The following BMX variants were observed in gnomAD, a reference collection of about 807,000 sequenced individuals.
The protein encoded by BMX is BMX non-receptor tyrosine kinase.
A neutral mutation model predicts 59.2 loss-of-function variants in BMX; 31 were observed. The ratio of observed to expected loss-of-function variants is 0.52; its 90% CI spans 0.39 to 0.71. The LOEUF is 0.71. BMX is among the 30% of genes least tolerant of loss of function. The probability of loss-of-function intolerance (pLI) is 0.00; values close to 1 mark genes in which losing one functional copy is unlikely to be tolerated. For synonymous variants in BMX, 185 were observed against 181.0 expected (o/e 1.02, Z -0.18); for missense variants, 474 against 491.7 (o/e 0.96, Z 0.34).
At chrX:15,544,624 G>T (rs1233054326) in intron 16 of BMX, among the ~76,000 whole-genome samples, 1 of 111,458 alleles carries the variant, frequency 9.0e-6, no homozygotes, top group Admixed American at 9.5e-5. Flanking sequence ...AAGAGATCCT[G>T]GAAGCCATGT....
At position 15,500,810 on chromosome X, in the gene BMX, C is replaced by T. The variant is rs1456511008; in HGVS notation, c.-140C>T. The stretch of plus-strand genomic sequence containing the variant: ...TGTTGGGGGCACTGAGTAATGTAGC[C>T]ATTTCTGACCCGGCAGCCAGGAAAA... On this transcript the variant is annotated 5_prime_UTR_variant, in exon 1 of 19. Coordinates refer to ENST00000348343, the MANE Select transcript of BMX (RefSeq NM_203281.3). 1 of 752,299 alleles carries T rather than the reference C, an allele frequency of 1.3e-6. No individual in the cohort carries two copies. The highest frequency in any genetic ancestry group is 8.8e-5 in the Admixed American group (1 of 11,302). 62.0% of individuals were successfully genotyped at this position (752,299 alleles called of 1,213,427 possible).
intron 11 of BMX, 34 bp downstream of exon 11, chrX:15,531,441 T>C (rs769934062): frequency 7.5e-6 from 8 of 1,067,121 alleles, no homozygotes; most frequent in African/African-American, 3.7e-5. Context: ...CTTTTCTCTT[T>C]CTGCGTATAT....
At chrX:15,537,036 C>A in intron 13 of BMX, 98 bp from the exon 14 acceptor site, 1 of 872,369 alleles carries the variant, frequency 1.1e-6, no homozygotes, top group Non-Finnish European at 1.6e-6. Flanking sequence ...TTTATATTGT[C>A]ACTGTGAAAC....
At chrX:15,534,422 T>G (rs1925236600) in intron 12 of BMX, 83 bp downstream of exon 12, 1 of 893,777 alleles carries the variant, frequency 1.1e-6, no homozygotes, top group Non-Finnish European at 1.4e-6. Flanking sequence ...CCTAATATTC[T>G]TAATTATATA....
intron 1 of BMX, among the ~76,000 whole-genome samples, chrX:15,503,941 T>A (rs780447950): frequency 2.1e-4 from 23 of 111,071 alleles, no homozygotes; most frequent in Non-Finnish European, 3.8e-4. Context: ...AGGGTGGGGG[T>A]GTTCTGGCCT....
intron 11 of BMX, among the ~76,000 whole-genome samples, chrX:15,531,742 A>G (rs749216766): frequency 3.4e-4 from 38 of 111,454 alleles, no homozygotes; most frequent in Non-Finnish European, 6.8e-4. Flanking sequence ...TAAGCCTGGA[A>G]AGAAAAAAAA....
intron 6 of BMX, among the ~76,000 whole-genome samples, chrX:15,520,020 G>T (rs1181251901): frequency 8.9e-6 from 1 of 111,834 alleles, no homozygotes; most frequent in African/African-American, 3.3e-5. Flanking sequence ...CCAAACCATA[G>T]CAACTTGGAA....
rs35353387 is a variant in BMX at position 15,526,062 on chromosome X, C to T, written c.851C>T (p.Ser284Leu). 3,268 of 1,207,336 alleles carry T rather than the reference C, an allele frequency of 2.7e-3. 7 individuals carry two copies. Among genetic ancestry groups the T allele is most frequent in the Non-Finnish European group, 3.3e-3 (2,984 of 893,546 alleles). Residue 284 changes from serine (S) to leucine (L), a missense_variant, in exon 9 of 19, where the codon TCA (serine) becomes TTA (leucine). Ser to Leu is a moderately radical substitution (Grantham distance 145, BLOSUM62 -2). Transcript: ENST00000348343. ...KISWEFPESS[S>L]SEEEENLDDY... ...TTAAGGGAATTCCCTGAGTCAAGTTCATCTGAAGAAGAGGAAAACCTGGAT... is the reference window on the plus strand; with the variant it reads ...TTAAGGGAATTCCCTGAGTCAAGTTTATCTGAAGAAGAGGAAAACCTGGAT...
At chrX:15,532,217 T>C (rs1386153618) in intron 11 of BMX, among the ~76,000 whole-genome samples, 1 of 111,190 alleles carries the variant, frequency 9.0e-6, no homozygotes, top group Non-Finnish European at 1.9e-5. Context: ...CCCTGTACCC[T>C]AACACTTGGG....
At chrX:15,520,955 G>T (rs1423560214) in intron 6 of BMX, among the ~76,000 whole-genome samples, 1 of 110,978 alleles carries the variant, frequency 9.0e-6, no homozygotes, top group Admixed American at 9.6e-5. Flanking sequence ...CCAAGTAAAT[G>T]AAATTTCTGA....
At chrX:15,522,253 C>T (rs1924493868) in intron 6 of BMX, 93 bp from the exon 7 acceptor site, 1 of 1,017,872 alleles carries the variant, frequency 9.8e-7, no homozygotes, top group Admixed American at 2.9e-5. Context: ...CTTCCTTTCT[C>T]TCTCTTTCAA....
At chrX:15,530,224 T>A in intron 10 of BMX, among the ~76,000 whole-genome samples, 197 bp downstream of exon 10, 1 of 112,220 alleles carries the variant, frequency 8.9e-6, no homozygotes, top group Non-Finnish European at 1.9e-5. Flanking sequence ...TGCTGCATAA[T>A]AAACCACTCC....
intron 6 of BMX, 129 bp from the exon 7 acceptor site, chrX:15,522,217 C>G: frequency 6.2e-6 from 5 of 803,549 alleles, no homozygotes; most frequent in Admixed American, 3.1e-5. Context: ...CTCCCTTCCT[C>G]CCTCCCTTCC....
At chrX:15,536,573 TA>T (rs1298697050) in intron 13 of BMX, 146 bp downstream of exon 13, 38,238 of 279,117 alleles carry the variant, frequency 0.14, 1 homozygote, top group East Asian at 0.21. Flanking sequence ...GGATTTTCTT[TA>T]AAAAAAAAAA....
At chrX:15,508,852 G>A (rs1009209158) in intron 2 of BMX, among the ~76,000 whole-genome samples, 4 of 111,692 alleles carry the variant, frequency 3.6e-5, no homozygotes, top group Non-Finnish European at 7.5e-5. Context: ...GGCCAAGAAT[G>A]CAGCTAACCA....
At position 15,500,895 on chromosome X, in the gene BMX, C is replaced by T. The variant is rs992869555; in HGVS notation, c.-55C>T. On this transcript the variant is annotated 5_prime_UTR_variant, in exon 1 of 19. Coordinates refer to ENST00000348343, the MANE Select transcript of BMX (RefSeq NM_203281.3). The stretch of plus-strand genomic sequence containing the variant: ...GGGGCCGTGTTCCTGCAACAGCAGA[C>T]CAAGCACCGCGGCGGACCCAGGCAA... 2.7e-6 allele frequency: 2 copies of T among 752,139 alleles called. No individual in the cohort carries two copies. The highest frequency in any genetic ancestry group is 4.7e-5 in the African/African-American group (2 of 43,003). The allele number at this position is 752,139 out of a possible 1,213,427, so 62.0% of individuals were successfully genotyped here.
At chrX:15,517,837 C>A in intron 5 of BMX, 92 bp from the exon 6 acceptor site, 2 of 771,572 alleles carry the variant, frequency 2.6e-6, no homozygotes, top group Non-Finnish European at 1.9e-6. Flanking sequence ...ATTGCTCACA[C>A]AAGCTGGTTC....
chrX:15,521,490 A>T (rs1287366822), intron 6 of BMX, among the ~76,000 whole-genome samples: 1 of 112,251 alleles, frequency 8.9e-6, no homozygotes, highest in Non-Finnish European at 1.9e-5. Context: ...AGCAACATAC[A>T]TTTATTCTCT....
At chrX:15,510,180 A>G (rs372249902) in intron 3 of BMX, among the ~76,000 whole-genome samples, 2 of 111,767 alleles carry the variant, frequency 1.8e-5, no homozygotes, top group East Asian at 5.6e-4. Context: ...TATGTAGTGT[A>G]TGCTGGTAGT....
Sources: allele counts gnomAD v4.1 joint callset (sites outside exome capture counted in the v4.1 genomes callset), GRCh38; gene constraint gnomAD v4.1.1; transcripts MANE v1.5; gene names NCBI Gene and HGNC (gene_info 2026-07-23, HGNC 2026-07-21).